ABCC4: variants seen among roughly 807,000 people sequenced by gnomAD.
ABCC4 encodes the protein ATP binding cassette subfamily C member 4 (PEL blood group), also known as ATP-binding cassette sub-family C member 4.
In ABCC4, 102 loss-of-function variants were observed where a neutral mutation model predicts 168.5. The observed-to-expected ratio is 0.61, with a 90% confidence interval of 0.52 to 0.71. The LOEUF (loss-of-function observed/expected upper bound fraction) is 0.71, where lower values mean the gene tolerates loss of function less well. ABCC4 is among the 30% of genes least tolerant of loss of function. The pLI, the probability that ABCC4 is intolerant of heterozygous loss-of-function variation, is 0.00. For synonymous variants in ABCC4, 617 were observed against 590.7 expected (o/e 1.04, Z -0.65); for missense variants, 1,402 against 1,605.8 (o/e 0.87, Z 2.17).
intron 7 of ABCC4, 74 bp from the exon 8 acceptor site, chr13:95,206,855 C>A: frequency 6.5e-7 from 1 of 1,528,498 alleles, no homozygotes; most frequent in Non-Finnish European, 8.9e-7. Flanking sequence ...GCAATCTCAG[C>A]ACTTTGGGAG....
chr13:95,168,215 TTACTC>T (rs1270240612), intron 14 of ABCC4, among the ~76,000 whole-genome samples: 1 of 152,198 alleles, frequency 6.6e-6, no homozygotes, highest in Non-Finnish European at 1.5e-5. Context: ...CCCACAGACT[TTACTC>T]TAATGTACCA....
chr13:95,043,556 G>C, intron 29 of ABCC4, 126 bp downstream of exon 29: 1 of 696,078 alleles, frequency 1.4e-6, no homozygotes, highest in Non-Finnish European at 2.4e-6. Context: ...TTACTGCTGG[G>C]AAGAGAGCCA....
chr13:95,216,632 A>C (rs1678397), intron 4 of ABCC4, among the ~76,000 whole-genome samples: 76,817 of 140,840 alleles, frequency 0.55, 21,243 homozygotes, highest in Non-Finnish European at 0.59. Flanking sequence ...AAAAAAAAAA[A>C]CCAGCACAAA....
chr13:95,257,165 G>A, intron 1 of ABCC4, among the ~76,000 whole-genome samples: 1 of 152,220 alleles, frequency 6.6e-6, no homozygotes, highest in Non-Finnish European at 1.5e-5. Flanking sequence ...TATGCTCTAT[G>A]TATTATATAC....
chr13:95,049,733 G>A lies in ABCC4; in HGVS notation c.3456+3362C>T, dbSNP rs142535365. On this transcript the variant is annotated intron_variant, in intron 27 of 30. Coordinates refer to ENST00000645237, the MANE Select transcript of ABCC4 (RefSeq NM_005845.5). ...TAGGACTGTCTCCCTCCAGATGCCC[G>A]AACTTCTTTTGCATGTCAGGTATTA... 7.3e-3 allele frequency among the ~76,000 whole-genome samples: 1,108 copies of A among 152,150 alleles called. 12 individuals carry two copies. Among genetic ancestry groups the A allele is most frequent in the Middle Eastern group, 0.014 (4 of 294 alleles).
At chr13:95,216,191 G>C (rs1328565677) in intron 4 of ABCC4, among the ~76,000 whole-genome samples, 1 of 152,156 alleles carries the variant, frequency 6.6e-6, no homozygotes, top group East Asian at 1.9e-4. Context: ...CAGAGAACAA[G>C]CAATTATTTT....
At chr13:95,215,514 T>C (rs535593570) in intron 4 of ABCC4, among the ~76,000 whole-genome samples, 18 of 152,234 alleles carry the variant, frequency 1.2e-4, no homozygotes, top group South Asian at 8.3e-4. Context: ...TATACGACAA[T>C]AGCACACAAG....
chr13:95,245,856 C>G (rs1244169638), intron 3 of ABCC4, among the ~76,000 whole-genome samples: 2 of 149,024 alleles, frequency 1.3e-5, no homozygotes, highest in Non-Finnish European at 3.0e-5. Flanking sequence ...AGCAAACCCC[C>G]CCACATACAA....
rs138042414 is a variant in ABCC4, at chr13:95,163,206, G to A, written c.2224C>T (p.Gln742Ter). 1 of 1,610,338 alleles carries A rather than the reference G, an allele frequency of 6.2e-7. No homozygotes were observed. Among genetic ancestry groups the A allele is most frequent in the Non-Finnish European group, 8.5e-7 (1 of 1,177,574 alleles). The change falls in exon 18 of 31, where the codon CAA (glutamine) becomes TAA (stop). Residue 742 changes from glutamine (Q) to a stop codon, truncating the protein, a stop_gained. Coordinates refer to ENST00000645237, the MANE Select transcript of ABCC4 (RefSeq NM_005845.5). LOFTEE classifies it high-confidence loss of function. ...DWWLSYWANK[Q>*]SMLNVTVNGG... ...TTTACAGTGACATTTAGCATACTTTGTTTGTTTGCCCTATGGAACATGGGG... is the reference window on the plus strand; with the variant it reads ...TTTACAGTGACATTTAGCATACTTTATTTGTTTGCCCTATGGAACATGGGG...
intron 19 of ABCC4, among the ~76,000 whole-genome samples, chr13:95,155,874 C>T (rs920495671): frequency 3.9e-5 from 6 of 152,160 alleles, no homozygotes; most frequent in African/African-American, 1.4e-4. Context: ...CATGAGAAAA[C>T]AGGACAACAA....
chr13:95,084,665 T>G (rs1242800834), intron 20 of ABCC4, among the ~76,000 whole-genome samples: 1 of 152,114 alleles, frequency 6.6e-6, no homozygotes, highest in Non-Finnish European at 1.5e-5. Context: ...AACACTTGGA[T>G]ATGCATTAAA....
Position 95,207,214 on chromosome 13 carries a change from G to A in ABCC4, c.912-433C>T, listed in dbSNP as rs571763763. 7.9e-5 allele frequency among the ~76,000 whole-genome samples: 12 copies of A among 152,154 alleles called. No individual in the cohort carries two copies. The South Asian group carries it at 2.5e-3, about 32-fold the overall frequency. On this transcript the variant is annotated intron_variant, in intron 7 of 30. Transcript: ENST00000645237. ...AGCAAATGTTTGTATTTTTAGTAGA[G>A]ACAGGGTTTCACCATGTTGGCCAGG...
chr13:95,188,169 C>A (rs1010751369), intron 10 of ABCC4, among the ~76,000 whole-genome samples: 1 of 150,500 alleles, frequency 6.6e-6, no homozygotes, highest in African/African-American at 2.4e-5. Context: ...TTAGTCAATC[C>A]ATCCTGCATA....
At chr13:95,288,360 T>C (rs2041313189) in intron 1 of ABCC4, among the ~76,000 whole-genome samples, 1 of 152,180 alleles carries the variant, frequency 6.6e-6, no homozygotes, top group Non-Finnish European at 1.5e-5. Context: ...AGCATATTAA[T>C]TGCAAGATGT....
rs761711778 is a variant in ABCC4 at position 95,207,752 on chromosome 13, GC to G, written c.911+47del. On this transcript the variant is annotated intron_variant, in intron 7 of 30. Coordinates refer to ENST00000645237, the MANE Select transcript of ABCC4 (RefSeq NM_005845.5). ...ACTTCTAAAACCATCAACAAGAATA[GC>G]AAATAGAAAAATACAAAAATATGGT... is the stretch of plus-strand genomic sequence containing the variant. 3 of 1,574,166 alleles carry G rather than the reference GC, an allele frequency of 1.9e-6. No homozygotes were observed. In the Admixed American group the frequency reaches 5.5e-5, roughly 29 times the overall value.
rs919421831 is a variant in ABCC4, at chr13:95,233,305, T to A, written c.531+1305A>T. Among the ~76,000 whole-genome samples, 6 of 104,502 alleles carry A rather than the reference T, an allele frequency of 5.7e-5. No homozygotes were observed. The Admixed American group carries it at 7.5e-4, about 13-fold the overall frequency. The allele number at this position is 104,502 out of a possible 152,430, so 68.6% of individuals were successfully genotyped here. A position where few individuals can be genotyped will look rare whatever the true frequency, so the allele number is the denominator to read the frequency against. ...GTAAACCAAGATGATTTAAAGTACA[T>A]GGGAGTGCACCCATAAAAAAAAAAA... On this transcript the variant is annotated intron_variant, in intron 4 of 30. Transcript: ENST00000645237.
At chr13:95,209,693 G>C (rs1441765888) in intron 5 of ABCC4, 96 bp from the exon 6 acceptor site, 1 of 1,221,368 alleles carries the variant, frequency 8.2e-7, no homozygotes, top group Non-Finnish European at 1.1e-6. Flanking sequence ...GAACAGGCAA[G>C]ATCCTAAACA....
chr13:95,224,117 G>A (rs1024542230), intron 4 of ABCC4, among the ~76,000 whole-genome samples: 9 of 145,840 alleles, frequency 6.2e-5, no homozygotes, highest in South Asian at 2.2e-4. Flanking sequence ...AGCAAACTCC[G>A]AGAAGTATAA....
chr13:95,032,908 C>T (rs550539352), intron 30 of ABCC4, among the ~76,000 whole-genome samples: 134 of 150,554 alleles, frequency 8.9e-4, no homozygotes, highest in Middle Eastern at 3.6e-3. Flanking sequence ...GTGATCCACC[C>T]GCCTCGGCCT....
Sources: gnomAD v4.1 joint callset for allele counts (sites outside exome capture counted in the v4.1 genomes callset) on GRCh38, gnomAD v4.1.1 for gene constraint, MANE v1.5 for transcripts, NCBI Gene and HGNC (gene_info 2026-07-23, HGNC 2026-07-21) for gene names.